Variants in SLC17A1 observed in about 807,000 individuals in gnomAD.
SLC17A1 encodes the protein sodium-dependent phosphate transport protein 1.
In SLC17A1, 51 loss-of-function variants were observed where a neutral mutation model predicts 53.5. The observed-to-expected ratio is 0.95, with a 90% confidence interval of 0.76 to 1.20. The LOEUF (loss-of-function observed/expected upper bound fraction) is 1.20, where lower values mean the gene tolerates loss of function less well. Ranked by LOEUF, SLC17A1 falls within the 50% of genes most tolerant of loss-of-function variation. The pLI is 0.00. For synonymous variants in SLC17A1, 179 were observed against 198.8 expected, an observed-to-expected ratio of 0.90 and a Z score of 0.84; for missense variants, 538 against 568.2, an observed-to-expected ratio of 0.95 and a Z score of 0.54.
the SLC17A1 span, among the ~76,000 whole-genome samples, chr6:25,764,720 A>C: frequency 8.5e-5 from 13 of 152,258 alleles, no homozygotes; most frequent in African/African-American, 2.4e-4. Context: ...TGAGCCCCTC[A>C]AGGGTCTGCA....
chr6:25,802,775 C>T (rs1464201808), intron 10 of SLC17A1, among the ~76,000 whole-genome samples: 1 of 151,516 alleles, frequency 6.6e-6, no homozygotes, highest in Non-Finnish European at 1.5e-5. Flanking sequence ...TTCTAGGTGG[C>T]TGTTTTAAAG....
chr6:25,793,548 G>A (rs912404640), intron 12 of SLC17A1, among the ~76,000 whole-genome samples: 9 of 152,072 alleles, frequency 5.9e-5, no homozygotes, highest in South Asian at 2.1e-4. Context: ...GAATTATCCT[G>A]TTTAAATATA....
At chr6:25,801,279 G>A (rs1201886204) in intron 10 of SLC17A1, among the ~76,000 whole-genome samples, 1 of 152,170 alleles carries the variant, frequency 6.6e-6, no homozygotes, top group Non-Finnish European at 1.5e-5. Context: ...AATTCAGAAG[G>A]TGATATGTTT....
chr6:25,769,131 C>T, the SLC17A1 span: 1,599 of 1,614,024 alleles, frequency 9.9e-4, 11 homozygotes, highest in African/African-American at 0.019. Flanking sequence ...TTCCACAGAA[C>T]GGCCCTCCAC....
Position 25,819,066 on chromosome 6 carries a change from A to G in SLC17A1, c.616+2T>C, listed in dbSNP as rs767773913. 9 of 1,586,936 alleles carry G rather than the reference A, an allele frequency of 5.7e-6. No individual in the cohort carries two copies. The Middle Eastern group carries it at 1.4e-3, about 238-fold the overall frequency. ...ACTAGGATTTTACAGAAAGAGACTC[A>G]CCAAAAATATAGAAGACCATGGGCC... On this transcript the variant is annotated splice_donor_variant, in intron 6 of 12. Transcript: ENST00000244527. LOFTEE classifies it high-confidence loss of function.
At chr6:25,753,304 A>G in the SLC17A1 span, among the ~76,000 whole-genome samples, 1 of 152,186 alleles carries the variant, frequency 6.6e-6, no homozygotes, top group Non-Finnish European at 1.5e-5. Context: ...GGCAGAGGTC[A>G]GTAAGGTTGG....
intron 12 of SLC17A1, among the ~76,000 whole-genome samples, chr6:25,792,524 A>T (rs1212149772): frequency 6.6e-6 from 1 of 152,216 alleles, no homozygotes; most frequent in Non-Finnish European, 1.5e-5. Context: ...AAAGACCCCC[A>T]TCAGGATCAT....
chr6:25,770,449 A>T, the SLC17A1 span: 1 of 1,614,054 alleles, frequency 6.2e-7, no homozygotes, highest in East Asian at 2.2e-5. Flanking sequence ...AAAGGAGTCA[A>T]CTCACCACCA....
chr6:25,724,025 A>G, the SLC17A1 span, among the ~76,000 whole-genome samples: 39 of 152,374 alleles, frequency 2.6e-4, no homozygotes, highest in Admixed American at 2.0e-3. Context: ...AAACATCGTC[A>G]ATCAGAAAAC....
At chr6:25,743,389 T>C in the SLC17A1 span, among the ~76,000 whole-genome samples, 2 of 152,230 alleles carry the variant, frequency 1.3e-5, no homozygotes, top group Non-Finnish European at 2.9e-5. Flanking sequence ...TGATGATACA[T>C]TCTTTATGAG....
intron 6 of SLC17A1, among the ~76,000 whole-genome samples, chr6:25,816,179 G>T (rs1764349463): frequency 6.6e-6 from 1 of 152,114 alleles, no homozygotes; most frequent in Non-Finnish European, 1.5e-5. Context: ...TTTAAATTTA[G>T]AATTCTGAAC....
Position 25,819,101 on chromosome 6 carries a change from A to T in SLC17A1, c.583T>A (p.Ser195Thr), listed in dbSNP as rs1764456159. The stretch of plus-strand genomic sequence containing the variant: ...TAGAAGACCATGGGCCAGCCCAGAG[A>T]TTCACAGATAACTCCAGTCACAAGT... Reference protein sequence around the residue: ...VLLVTGVICESLGWPMVFYIF... With the variant: ...VLLVTGVICETLGWPMVFYIF... Residue 195 changes from serine to threonine, a missense_variant, in exon 6 of 13, where the codon TCT becomes ACT. Transcript: ENST00000244527. The T allele has an allele frequency of 5.6e-6, 9 of 1,610,708 alleles. No homozygotes were observed. The highest frequency in any genetic ancestry group is 7.6e-6 in the Non-Finnish European group (9 of 1,178,890).
At chr6:25,812,028 AGAG>A (rs969270100) in intron 8 of SLC17A1, among the ~76,000 whole-genome samples, 2 of 152,160 alleles carry the variant, frequency 1.3e-5, no homozygotes, top group Admixed American at 6.5e-5. Flanking sequence ...ACTGGATAAT[AGAG>A]GAGGAAGACT....
At chr6:25,787,423 G>A (rs1299806384) in intron 12 of SLC17A1, among the ~76,000 whole-genome samples, 2 of 151,958 alleles carry the variant, frequency 1.3e-5, no homozygotes, top group Admixed American at 6.6e-5. Flanking sequence ...TGCCCTAAAC[G>A]CAGACCAACC....
At chr6:25,813,625 G>T (rs1257700143) in intron 6 of SLC17A1, among the ~76,000 whole-genome samples, 2 of 152,124 alleles carry the variant, frequency 1.3e-5, no homozygotes, top group African/African-American at 4.8e-5. Flanking sequence ...TATTTATATA[G>T]GTAAACTTGT....
the SLC17A1 span, among the ~76,000 whole-genome samples, chr6:25,743,184 T>A: frequency 6.6e-6 from 1 of 152,212 alleles, no homozygotes; most frequent in Non-Finnish European, 1.5e-5. Flanking sequence ...TACTACTTTT[T>A]TTTGTAAAAA....
chr6:25,725,733 T>C, the SLC17A1 span, among the ~76,000 whole-genome samples: 3 of 152,092 alleles, frequency 2.0e-5, no homozygotes, highest in African/African-American at 7.2e-5. Context: ...CCCGAACAGC[T>C]GGGACTACAG....
intron 3 of SLC17A1, among the ~76,000 whole-genome samples, chr6:25,823,219 G>A (rs1208524759): frequency 6.6e-6 from 1 of 151,944 alleles, no homozygotes. Flanking sequence ...TGGACATATA[G>A]GTTATTTCCA....
the SLC17A1 span, chr6:25,726,837 C>T: frequency 8.0e-6 from 12 of 1,505,452 alleles, no homozygotes; most frequent in South Asian, 6.7e-5. Flanking sequence ...TACTGAAGAG[C>T]TGTTGAGCAC....
Sources: gnomAD v4.1 joint callset for allele counts (sites outside exome capture counted in the v4.1 genomes callset) on GRCh38, gnomAD v4.1.1 for gene constraint, MANE v1.5 for transcripts, NCBI Gene and HGNC (gene_info 2026-07-23, HGNC 2026-07-21) for gene names.